Variants in OPCML observed in about 807,000 individuals in gnomAD.
The protein encoded by OPCML is opioid binding protein/cell adhesion molecule like.
In OPCML, 13 loss-of-function variants were observed where a neutral mutation model predicts 37.8. The observed-to-expected ratio is 0.34, with a 90% CI of 0.22 to 0.55. OPCML has a LOEUF of 0.55. OPCML is among the 20% of genes least tolerant of loss of function. The probability of loss-of-function intolerance (pLI) is 0.91; values close to 1 mark genes in which losing one functional copy is unlikely to be tolerated. For synonymous variants in OPCML, 176 were observed against 168.8 expected (o/e 1.04, Z -0.33); for missense variants, 341 against 435.6 (o/e 0.78, Z 1.93).
In OPCML at chr11:133,146,397, C is replaced by T. The variant is rs574638068; in HGVS notation, c.62-203387G>A. Among the ~76,000 whole-genome samples the T allele has an allele frequency of 1.0e-3, 152 of 151,638 alleles. 1 individual carries two copies. Among genetic ancestry groups the T allele is most frequent in the Non-Finnish European group, 2.0e-3 (137 of 67,944 alleles). On this transcript the variant is annotated intron_variant, in intron 1 of 7. Coordinates refer to ENST00000524381, the MANE Select transcript of OPCML (RefSeq NM_001012393.5). ...TGGCACAATCTTGGCTCACTGCAACCTCTGCCTCCCGGGTTCAAGAGATTC... is the reference window on the plus strand; with the variant it reads ...TGGCACAATCTTGGCTCACTGCAACTTCTGCCTCCCGGGTTCAAGAGATTC...
intron 3 of OPCML, among the ~76,000 whole-genome samples, chr11:132,566,978 T>C (rs2096424912): frequency 6.6e-6 from 1 of 151,546 alleles, no homozygotes; most frequent in Non-Finnish European, 1.5e-5. Flanking sequence ...TAGGTTTTTT[T>C]TTTTTTTCCT....
intron 4 of OPCML, among the ~76,000 whole-genome samples, chr11:132,464,695 G>A (rs377130225): frequency 2.6e-5 from 4 of 152,004 alleles, no homozygotes; most frequent in South Asian, 2.1e-4. Flanking sequence ...TTAACGCCAC[G>A]CAGAGTAAGC....
At chr11:132,820,741 A>G (rs1437292142) in intron 2 of OPCML, among the ~76,000 whole-genome samples, 1 of 152,180 alleles carries the variant, frequency 6.6e-6, no homozygotes, top group African/African-American at 2.4e-5. Flanking sequence ...AGAAGGAAAC[A>G]CCAGCAATAG....
chr11:133,432,464 C>A (rs980785038), intron 1 of OPCML, among the ~76,000 whole-genome samples: 1 of 152,162 alleles, frequency 6.6e-6, no homozygotes, highest in African/African-American at 2.4e-5. Context: ...TGGCCTCAAA[C>A]TTCTGGGCTC....
intron 4 of OPCML, chr11:132,525,789 G>C (rs577942714): frequency 6.6e-6 from 1 of 152,318 alleles, no homozygotes; most frequent in East Asian, 1.9e-4. Flanking sequence ...ATGGTGGTTT[G>C]CTGCACCCAT....
chr11:132,570,782 T>TATATAC (rs1555156169), intron 3 of OPCML, among the ~76,000 whole-genome samples: 1 of 107,904 alleles, frequency 9.3e-6, no homozygotes, highest in Non-Finnish European at 1.9e-5. Context: ...TATATATATA[T>TATATAC]ATATATATAT....
intron 2 of OPCML, among the ~76,000 whole-genome samples, chr11:132,763,578 A>G (rs982233109): frequency 1.3e-5 from 2 of 152,182 alleles, no homozygotes; most frequent in Non-Finnish European, 1.5e-5. Context: ...GGGAGATACT[A>G]TTAGTGATGC....
intron 1 of OPCML, among the ~76,000 whole-genome samples, chr11:133,188,168 A>G (rs1316710107): frequency 1.3e-5 from 2 of 152,222 alleles, no homozygotes; most frequent in African/African-American, 2.4e-5. Flanking sequence ...GCAAAGAATG[A>G]ATCCATTTGC....
intron 1 of OPCML, among the ~76,000 whole-genome samples, chr11:133,070,112 C>A (rs1380547544): frequency 1.3e-5 from 2 of 152,120 alleles, no homozygotes; most frequent in African/African-American, 4.8e-5. Flanking sequence ...GCAAGAGAGT[C>A]CGTTCCACCA....
chr11:133,382,112 G>A (rs757524840), intron 1 of OPCML, among the ~76,000 whole-genome samples: 12 of 152,312 alleles, frequency 7.9e-5, no homozygotes, highest in Non-Finnish European at 4.4e-5. Context: ...TTGGGGAGGC[G>A]GAGGGATGGA....
chr11:133,213,889 G>A (rs1029343802), intron 1 of OPCML, among the ~76,000 whole-genome samples: 1 of 152,234 alleles, frequency 6.6e-6, no homozygotes, highest in Non-Finnish European at 1.5e-5. Context: ...CTTTAAAACA[G>A]TAGCGTGTCA....
intron 2 of OPCML, among the ~76,000 whole-genome samples, chr11:132,723,547 T>A (rs1364612417): frequency 6.9e-6 from 1 of 145,604 alleles, no homozygotes; most frequent in East Asian, 2.8e-4. Flanking sequence ...CATTCGGTAA[T>A]TTTAGTGATT....
At chr11:132,850,320 T>A (rs1464736157) in intron 2 of OPCML, among the ~76,000 whole-genome samples, 3 of 152,168 alleles carry the variant, frequency 2.0e-5, no homozygotes, top group Non-Finnish European at 4.4e-5. Flanking sequence ...TCCCTAGCCA[T>A]CTTGAGAAAT....
intron 1 of OPCML, among the ~76,000 whole-genome samples, chr11:133,083,120 A>G (rs924562725): frequency 6.6e-6 from 1 of 151,908 alleles, no homozygotes; most frequent in Admixed American, 6.5e-5. Flanking sequence ...CCACACTCAC[A>G]TCACACACAC....
chr11:132,462,681 G>T (rs1375976655), intron 4 of OPCML, among the ~76,000 whole-genome samples: 1 of 152,168 alleles, frequency 6.6e-6, no homozygotes, highest in Non-Finnish European at 1.5e-5. Flanking sequence ...TAGAAGGGGG[G>T]AAGAATGGTC....
At chr11:133,418,146 T>A (rs978229213) in intron 1 of OPCML, 4 of 985,218 alleles carry the variant, frequency 4.1e-6, no homozygotes, top group Non-Finnish European at 4.8e-6. Flanking sequence ...CAGGAAACAA[T>A]CAAGAAAGAC....
intron 1 of OPCML, among the ~76,000 whole-genome samples, chr11:133,070,838 C>T (rs951521711): frequency 6.6e-6 from 1 of 152,142 alleles, no homozygotes; most frequent in South Asian, 2.1e-4. Context: ...GTTGGTTCCT[C>T]GGACTCTGTC....
chr11:133,198,098 AAAC>A (rs1416714024), intron 1 of OPCML, among the ~76,000 whole-genome samples: 1 of 152,232 alleles, frequency 6.6e-6, no homozygotes, highest in Non-Finnish European at 1.5e-5. Flanking sequence ...TTCCTAGAAT[AAAC>A]AAAAACTCAC....
At chr11:133,484,450 A>G (rs933780430) in intron 1 of OPCML, among the ~76,000 whole-genome samples, 39 of 152,294 alleles carry the variant, frequency 2.6e-4, no homozygotes, top group Middle Eastern at 3.4e-3. Flanking sequence ...AAAAGGAGGG[A>G]TTGGCAGATG....
Sources: allele counts gnomAD v4.1 joint callset (sites outside exome capture counted in the v4.1 genomes callset), GRCh38; gene constraint gnomAD v4.1.1; transcripts MANE v1.5; gene names NCBI Gene and HGNC (gene_info 2026-07-23, HGNC 2026-07-21).